The following MGAT5 variants were observed in gnomAD, a reference collection of about 807,000 sequenced individuals.
MGAT5 encodes alpha-1,6-mannosylglycoprotein 6-beta-N-acetylglucosaminyltransferase, also known as alpha-1,6-mannosylglycoprotein 6-beta-N-acetylglucosaminyltransferase A.
In MGAT5, 30 loss-of-function variants were observed where a neutral mutation model predicts 94.3. The ratio of observed to expected loss-of-function variants is 0.32; its 90% confidence interval spans 0.24 to 0.43. MGAT5 has a LOEUF of 0.43. Ranked by LOEUF, MGAT5 falls within the 20% of genes least tolerant of loss-of-function variation. MGAT5 has a pLI of 1.00. For synonymous variants in MGAT5, 310 were observed against 322.9 expected (o/e 0.96, Z 0.43); for missense variants, 691 against 905.5 (o/e 0.76, Z 3.04).
intron 1 of MGAT5, among the ~76,000 whole-genome samples, chr2:134,260,165 G>A (rs956405627): frequency 5.9e-5 from 9 of 152,204 alleles, no homozygotes; most frequent in East Asian, 1.9e-4. Context: ...GTGAGAAGCC[G>A]GCAGCTTATG....
At chr2:134,205,263 G>C (rs977714428) in intron 1 of MGAT5, among the ~76,000 whole-genome samples, 1 of 152,192 alleles carries the variant, frequency 6.6e-6, no homozygotes, top group African/African-American at 2.4e-5. Flanking sequence ...ACTTCAGAAA[G>C]ATGGCTTTTA....
At chr2:134,147,595 T>TTA (rs374506690) in intron 1 of MGAT5, among the ~76,000 whole-genome samples, 2 of 111,810 alleles carry the variant, frequency 1.8e-5, no homozygotes, top group African/African-American at 5.5e-5. Flanking sequence ...ACAGAGTTAA[T>TTA]AAAAAAAAAA....
intron 1 of MGAT5, among the ~76,000 whole-genome samples, chr2:134,136,996 G>T (rs1007182960): frequency 6.6e-6 from 1 of 152,172 alleles, no homozygotes; most frequent in Non-Finnish European, 1.5e-5. Context: ...TCACTACAAG[G>T]TATGTGATTC....
At chr2:134,134,351 G>A (rs887732452) in intron 1 of MGAT5, among the ~76,000 whole-genome samples, 3 of 152,112 alleles carry the variant, frequency 2.0e-5, no homozygotes, top group African/African-American at 4.8e-5. Flanking sequence ...ACTCACATTA[G>A]GAACACAGGA....
intron 9 of MGAT5, among the ~76,000 whole-genome samples, chr2:134,355,816 T>G (rs558572243): frequency 6.6e-6 from 1 of 152,284 alleles, no homozygotes; most frequent in East Asian, 1.9e-4. Context: ...CATCTTTATC[T>G]AATTGAGTTT....
rs1158257495 is a variant in MGAT5 at position 134,220,176 on chromosome 2, A to G, written c.-142-34086A>G. The stretch of plus-strand genomic sequence containing the variant: ...ATATTCTGCATGAAATTACAGTGTA[A>G]TAGTGTTGCATAGCTGTATGCTCTT... On this transcript the variant is annotated intron_variant, in intron 1 of 16. Transcript: ENST00000409645. Among the ~76,000 whole-genome samples, 3 of 152,148 alleles carry G rather than the reference A, an allele frequency of 2.0e-5. No individual in the cohort carries two copies. In the East Asian group the frequency reaches 5.8e-4, roughly 29 times the overall value.
intron 2 of MGAT5, among the ~76,000 whole-genome samples, chr2:134,308,233 T>C (rs1220158710): frequency 1.4e-4 from 22 of 152,226 alleles, no homozygotes; most frequent in Admixed American, 1.4e-3. Context: ...TGTCTACTTC[T>C]ACTTTAGAGC....
chr2:134,413,501 A>G (rs1041210149), intron 12 of MGAT5, among the ~76,000 whole-genome samples: 1 of 152,210 alleles, frequency 6.6e-6, no homozygotes, highest in Non-Finnish European at 1.5e-5. Context: ...AAGTAATCCT[A>G]CCATTGCTAG....
intron 4 of MGAT5, among the ~76,000 whole-genome samples, chr2:134,324,873 G>A (rs11674550): frequency 0.62 from 94,715 of 151,724 alleles, 31,529 homozygotes; most frequent in Non-Finnish European, 0.73. Flanking sequence ...ATATTTCTGG[G>A]CAGTAAAGGA....
upstream of MGAT5, among the ~76,000 whole-genome samples, chr2:134,249,637 A>G (rs191418067): frequency 2.0e-5 from 3 of 152,084 alleles, no homozygotes; most frequent in Admixed American, 6.5e-5. Flanking sequence ...TTTTGTTTCC[A>G]TTTCCTCAGT....
intron 1 of MGAT5, among the ~76,000 whole-genome samples, chr2:134,264,028 T>G (rs1165341244): frequency 2.7e-5 from 4 of 148,746 alleles, no homozygotes; most frequent in East Asian, 1.9e-4. Context: ...TTTTTTTTTT[T>G]TTTTTTTTTT....
At chr2:134,121,146 CT>C (rs1304906839) in intron 1 of MGAT5, among the ~76,000 whole-genome samples, 2 of 152,192 alleles carry the variant, frequency 1.3e-5, no homozygotes, top group Non-Finnish European at 2.9e-5. Flanking sequence ...TTTCGCGCCC[CT>C]GGCCCCTGCC....
intron 1 of MGAT5, among the ~76,000 whole-genome samples, chr2:134,217,120 T>TA (rs1034248274): frequency 1.3e-5 from 2 of 152,038 alleles, no homozygotes; most frequent in African/African-American, 4.8e-5. Context: ...TGGTGTTGGG[T>TA]AAAAATTTGT....
At chr2:134,350,062 A>T in intron 9 of MGAT5, 124 bp downstream of exon 9, 2 of 1,060,270 alleles carry the variant, frequency 1.9e-6, no homozygotes, top group East Asian at 2.7e-5. Flanking sequence ...GTGCTGTTGA[A>T]CCTTTTCCTT....
At chr2:134,322,862 A>G (rs552125946) in intron 4 of MGAT5, among the ~76,000 whole-genome samples, 77 of 152,314 alleles carry the variant, frequency 5.1e-4, no homozygotes, top group Non-Finnish European at 8.7e-4. Context: ...TGTGATCAAC[A>G]CATGCACCAG....
At chr2:134,165,643 C>T (rs1345319838) in intron 1 of MGAT5, among the ~76,000 whole-genome samples, 5 of 152,008 alleles carry the variant, frequency 3.3e-5, no homozygotes, top group Middle Eastern at 3.2e-3. Flanking sequence ...GTCATGGTGG[C>T]GGGCGCCTGT....
chr2:134,412,423 C>G (rs550689235), intron 11 of MGAT5, among the ~76,000 whole-genome samples: 13 of 152,314 alleles, frequency 8.5e-5, no homozygotes, highest in Non-Finnish European at 1.8e-4. Context: ...TCCCTCCGCC[C>G]AGCATTCCTG....
At chr2:134,175,439 A>C (rs1688415322) in intron 1 of MGAT5, among the ~76,000 whole-genome samples, 1 of 152,138 alleles carries the variant, frequency 6.6e-6, no homozygotes, top group African/African-American at 2.4e-5. Context: ...ACCCATCAGG[A>C]ACTCTAGTGT....
chr2:134,371,757 C>G (rs1680815710), intron 10 of MGAT5, among the ~76,000 whole-genome samples: 1 of 152,138 alleles, frequency 6.6e-6, no homozygotes, highest in South Asian at 2.1e-4. Context: ...TAGAGCTTCT[C>G]ATAGCTTACA....
Sources: allele counts gnomAD v4.1 joint callset (sites outside exome capture counted in the v4.1 genomes callset), GRCh38; gene constraint gnomAD v4.1.1; transcripts MANE v1.5; gene names NCBI Gene and HGNC (gene_info 2026-07-23, HGNC 2026-07-21).